Variants in OCLN observed in about 807,000 individuals in gnomAD.
OCLN encodes the protein phosphatase 1, regulatory subunit 115.
A neutral mutation model predicts 47.9 loss-of-function variants in OCLN; 21 were observed. That is an observed-to-expected ratio of 0.44 (90% CI 0.31 to 0.63). The LOEUF is 0.63. Among genes scored for constraint, OCLN ranks in the 30% least tolerant of loss-of-function variants. The pLI, the probability that OCLN is intolerant of heterozygous loss-of-function variation, is 0.08. For synonymous variants in OCLN, 117 were observed against 198.4 expected (o/e 0.59, Z 3.45); for missense variants, 360 against 571.0 (o/e 0.63, Z 3.77).
intron 4 of OCLN, among the ~76,000 whole-genome samples, chr5:69,530,868 T>C (rs1347307621): frequency 2.0e-5 from 3 of 152,252 alleles, no homozygotes; most frequent in African/African-American, 7.2e-5. Flanking sequence ...TACTTGGGTA[T>C]ACAGTGTAGA....
intron 3 of OCLN, among the ~76,000 whole-genome samples, chr5:69,512,948 A>C (rs1292268936): frequency 1.3e-5 from 2 of 151,992 alleles, no homozygotes; most frequent in African/African-American, 4.8e-5. Context: ...ACTCCTTTGG[A>C]GTTAGACCTC....
chr5:69,508,475 G>T (rs548697543), intron 2 of OCLN, among the ~76,000 whole-genome samples: 77 of 152,094 alleles, frequency 5.1e-4, no homozygotes, highest in African/African-American at 1.8e-3. Flanking sequence ...TGAGTAGCTG[G>T]GATTACAGGC....
chr5:69,514,396 A>T (rs1768869594), intron 4 of OCLN, among the ~76,000 whole-genome samples: 1 of 152,180 alleles, frequency 6.6e-6, no homozygotes, highest in African/African-American at 2.4e-5. Context: ...AACAAAAACT[A>T]CTTCTTCCCT....
rs148886593 is a variant in OCLN, at chr5:69,493,120, G to T, written c.-69+220G>T. 6.6e-6 allele frequency among the ~76,000 whole-genome samples: 1 copy of T among 152,310 alleles called. No homozygotes were observed. Among genetic ancestry groups the T allele is most frequent in the Non-Finnish European group, 1.5e-5 (1 of 68,022 alleles). On this transcript the variant is annotated intron_variant, in intron 1 of 8. Transcript: ENST00000396442. This position sits in a 1 kb window ranked among gnomAD's most constrained non-coding sequence, Gnocchi z 5.3. ...GGGAGGCTGCCTCCTGGGGCGAGGG[G>T]TGGCTTGGAGCCGCCGATCAAGCTT...
intron 4 of OCLN, among the ~76,000 whole-genome samples, chr5:69,533,118 TACAC>T (rs1030177396): frequency 2.8e-5 from 4 of 145,418 alleles, no homozygotes; most frequent in East Asian, 2.0e-4. Flanking sequence ...CATATATATA[TACAC>T]ACACACACAC....
Position 69,509,155 on chromosome 5 carries a change from A to G in OCLN, c.65A>G (p.Tyr22Cys), listed in dbSNP as rs1295888643. ...GTTCATTTCAGCAAACCGAATCATT[A>G]TGCACCAAGCAATGACATATATGGT... The part of the protein sequence containing the change: ...YRPDEFKPNH[Y>C]APSNDIYGGE... The change falls in exon 3 of 9, where the codon TAT becomes TGT. Residue 22 changes from tyrosine to cysteine, a missense_variant. Physicochemically the swap from Tyr to Cys is radical, Grantham distance 194. Transcript: ENST00000396442. The G allele has an allele frequency of 5.6e-6, 9 of 1,613,902 alleles. No individual in the cohort carries two copies. The South Asian group carries it at 6.6e-5, about 12-fold the overall frequency.
rs749987890 is a variant in OCLN, at chr5:69,493,816, G to A, written c.-69+916G>A. On this transcript the variant is annotated intron_variant, in intron 1 of 8. Coordinates refer to ENST00000396442, the MANE Select transcript of OCLN (RefSeq NM_001205254.2). The surrounding 1 kb of genome is among the most constrained non-coding windows in gnomAD (Gnocchi z 5.3). ...CTGCGTCGGAGGAAGCGTGCGGGGAGCAGGGGTCGAGGGCCAAGATGGCCT... is the reference window on the plus strand; with the variant it reads ...CTGCGTCGGAGGAAGCGTGCGGGGAACAGGGGTCGAGGGCCAAGATGGCCT... Among the ~76,000 whole-genome samples, 1 of 152,168 alleles carries A rather than the reference G, an allele frequency of 6.6e-6. No individual in the cohort carries two copies. The highest frequency in any genetic ancestry group is 1.5e-5 in the Non-Finnish European group (1 of 68,026).
intron 4 of OCLN, among the ~76,000 whole-genome samples, chr5:69,515,597 A>C (rs1408847054): frequency 3.9e-5 from 4 of 102,302 alleles, no homozygotes; most frequent in Non-Finnish European, 5.9e-5. Flanking sequence ...TGACCCCCCC[A>C]CCTCCCTCCC....
intron 5 of OCLN, among the ~76,000 whole-genome samples, chr5:69,536,837 G>A (rs1769601695): frequency 6.6e-6 from 1 of 152,074 alleles, no homozygotes; most frequent in East Asian, 1.9e-4. Flanking sequence ...GCATGGTGGC[G>A]GGTGCCTGTA....
chr5:69,533,493 A>G (rs868122218), intron 4 of OCLN, among the ~76,000 whole-genome samples: 10 of 151,228 alleles, frequency 6.6e-5, no homozygotes, highest in Non-Finnish European at 1.5e-4. Context: ...CCCAGTGTGT[A>G]GCATTGTTAG....
intron 1 of OCLN, among the ~76,000 whole-genome samples, chr5:69,501,923 C>T (rs1465568298): frequency 6.6e-6 from 1 of 151,378 alleles, no homozygotes; most frequent in African/African-American, 2.4e-5. Context: ...CCAGGTGGGG[C>T]GTGGTGGCTC....
chr5:69,494,283 G>C (rs1349200503), intron 1 of OCLN, among the ~76,000 whole-genome samples: 1 of 152,138 alleles, frequency 6.6e-6, no homozygotes, highest in Non-Finnish European at 1.5e-5. Context: ...TGCCTCCCGG[G>C]TTCAAGCGAT....
At chr5:69,519,941 C>T (rs894020232) in intron 4 of OCLN, among the ~76,000 whole-genome samples, 1 of 152,134 alleles carries the variant, frequency 6.6e-6, no homozygotes, top group Non-Finnish European at 1.5e-5. Flanking sequence ...GTTCAAGGGC[C>T]AACTGTATAA....
intron 1 of OCLN, among the ~76,000 whole-genome samples, chr5:69,494,302 T>A (rs1290279460): frequency 6.6e-6 from 1 of 152,198 alleles, no homozygotes; most frequent in East Asian, 1.9e-4. Flanking sequence ...ATTCTCCTGC[T>A]CAGCCTCCCG....
At chr5:69,494,667 C>T (rs1768243928) in intron 1 of OCLN, among the ~76,000 whole-genome samples, 1 of 152,204 alleles carries the variant, frequency 6.6e-6, no homozygotes, top group Non-Finnish European at 1.5e-5. Context: ...AGACATGATT[C>T]TCCACCTTTT....
rs752075319 is a variant in OCLN, at chr5:69,513,989, T to G, written c.771T>G (p.Phe257Leu). ...IVLGFMIIVA[F>L]ALIIFFAVKT... ...TGGGGTTCATGATTATTGTGGCTTT[T>G]GCTTTAATAATTTTCTTTGCTGTGA... The change falls in exon 4 of 9, where the codon TTT (phenylalanine) becomes TTG (leucine). Residue 257 changes from phenylalanine (F) to leucine (L), a missense_variant. By Grantham distance (22) the Phe-to-Leu change is conservative. Coordinates refer to ENST00000396442, the MANE Select transcript of OCLN (RefSeq NM_001205254.2). 1.2e-6 allele frequency: 2 copies of G among 1,613,888 alleles called. No homozygotes were observed. Among genetic ancestry groups the G allele is most frequent in the African/African-American group, 2.7e-5 (2 of 74,938 alleles).
At chr5:69,499,216 A>T (rs994317899) in intron 1 of OCLN, among the ~76,000 whole-genome samples, 1 of 152,040 alleles carries the variant, frequency 6.6e-6, no homozygotes, top group African/African-American at 2.4e-5. Flanking sequence ...ACTTACAGGG[A>T]TGTGCCACCA....
At chr5:69,499,020 A>G (rs947961461) in intron 1 of OCLN, among the ~76,000 whole-genome samples, 1 of 152,116 alleles carries the variant, frequency 6.6e-6, no homozygotes, top group Admixed American at 6.5e-5. Context: ...AATACCGTAT[A>G]CAATGTAAAT....
chr5:69,506,977 A>G (rs1768624601), intron 2 of OCLN, among the ~76,000 whole-genome samples: 1 of 152,204 alleles, frequency 6.6e-6, no homozygotes, highest in African/African-American at 2.4e-5. Context: ...AAGCAAACAT[A>G]CATACTCATC....
Sources: allele counts gnomAD v4.1 joint callset (sites outside exome capture counted in the v4.1 genomes callset), GRCh38; gene constraint gnomAD v4.1.1; non-coding constraint Gnocchi (gnomAD v3.1); transcripts MANE v1.5; gene names NCBI Gene and HGNC (gene_info 2026-07-23, HGNC 2026-07-21).